COL11A2: variants seen among roughly 807,000 people sequenced by gnomAD.
COL11A2 encodes the protein collagen type XI alpha 2 chain, also known as collagen alpha-2(XI) chain.
Under a neutral mutation model 273.4 loss-of-function variants are expected in COL11A2, and 116 were observed. The ratio of observed to expected loss-of-function variants is 0.42; its 90% CI spans 0.36 to 0.49. The LOEUF is 0.49. Ranked by LOEUF, COL11A2 falls within the 20% of genes least tolerant of loss-of-function variation. COL11A2 has a pLI of 0.00. For synonymous variants in COL11A2, 782 were observed against 864.2 expected (o/e 0.90, Z 1.67); for missense variants, 1,866 against 2,309.0 (o/e 0.81, Z 3.93).
In COL11A2 at chr6:33,163,089, G is replaced by A. The variant is rs903835903; in HGVS notation, c.*589C>T. 6.4e-6 allele frequency: 1 copy of A among 156,972 alleles called. No homozygotes were observed. Among genetic ancestry groups the A allele is most frequent in the Middle Eastern group, 6.8e-4 (1 of 1,468 alleles). 9.7% of individuals were successfully genotyped at this position (156,972 alleles called of 1,614,324 possible). A position where few individuals can be genotyped will look rare whatever the true frequency, so the allele number is the denominator to read the frequency against. ...GGTTAGAGAGCCCCACCCTGGCAGA[G>A]TCAGAGCCCTGAGGCCAGGGAGACC... On this transcript the variant is annotated 3_prime_UTR_variant, in exon 66 of 66. Transcript: ENST00000341947. This position sits in a 1 kb window ranked among gnomAD's most constrained non-coding sequence, Gnocchi z 4.1.
At chr6:33,174,299 C>A in intron 31 of COL11A2, 81 bp from the exon 32 acceptor site, 3 of 1,529,448 alleles carry the variant, frequency 2.0e-6, no homozygotes, top group Non-Finnish European at 2.7e-6. Flanking sequence ...TCAGGAGAGG[C>A]CACAAAGGCA....
rs1051515709 is a variant in COL11A2 at position 33,165,026 on chromosome 6, G to A, written c.4751-62C>T. On this transcript the variant is annotated intron_variant, in intron 63 of 65. Coordinates refer to ENST00000341947, the MANE Select transcript of COL11A2 (RefSeq NM_080680.3). This position sits in a 1 kb window ranked among gnomAD's most constrained non-coding sequence, Gnocchi z 7.7. The stretch of plus-strand genomic sequence containing the variant: ...AGGTCCAGGCTCCAAGATGCTCTTT[G>A]CCCCCACATTCCCTCTTCCCTCCCA... 7.8e-7 allele frequency: 1 copy of A among 1,287,032 alleles called. No individual in the cohort carries two copies. Among genetic ancestry groups the A allele is most frequent in the African/African-American group, 1.5e-5 (1 of 67,834 alleles). 79.7% of individuals were successfully genotyped at this position (1,287,032 alleles called of 1,614,324 possible). A position where few individuals can be genotyped will look rare whatever the true frequency, so the allele number is the denominator to read the frequency against.
At chr6:33,174,138 C>CA in intron 32 of COL11A2, 27 bp downstream of exon 32, 1 of 1,598,114 alleles carries the variant, frequency 6.3e-7, no homozygotes, top group Non-Finnish European at 8.5e-7. Context: ...CCCTTCCCTT[C>CA]TCACGCCCTC....
In COL11A2 at chr6:33,173,827, G is replaced by A; in HGVS notation, c.2583+46C>T. 6.2e-7 allele frequency: 1 copy of A among 1,612,718 alleles called. No individual in the cohort carries two copies. The highest frequency in any genetic ancestry group is 8.5e-7 in the Non-Finnish European group (1 of 1,178,776). On this transcript the variant is annotated intron_variant, in intron 34 of 65. Coordinates refer to ENST00000341947, the MANE Select transcript of COL11A2 (RefSeq NM_080680.3). This position sits in a 1 kb window ranked among gnomAD's most constrained non-coding sequence, Gnocchi z 6.3. ...GGTCAGGATGTTGAGGGAGAGCTGG[G>A]GCTGAGTGGGCAGGGGGCAGTTGGA... is the stretch of plus-strand genomic sequence containing the variant.
At chr6:33,181,544 G>A (rs1167977772) in intron 8 of COL11A2, among the ~76,000 whole-genome samples, 3 of 152,062 alleles carry the variant, frequency 2.0e-5, no homozygotes, top group Non-Finnish European at 2.9e-5. Flanking sequence ...GCGCGATCTC[G>A]GCTCACTACA....
chr6:33,169,837 A>C lies in COL11A2; in HGVS notation c.3684T>G (p.Gly1228=). The change falls in exon 50 of 66, where the codon GGT becomes GGG. Residue 1228 remains glycine (G), a synonymous_variant. Coordinates refer to ENST00000341947, the MANE Select transcript of COL11A2 (RefSeq NM_080680.3). The surrounding 1 kb of genome is among the most constrained non-coding windows in gnomAD (Gnocchi z 5.5). The part of the protein sequence containing the change: ...SGSPGIQGEP[G]VKGPRGERGE... ...CCTTGGAGCTGTCACTCACCTTGACACCTGGCTCGCCCTGGATCCCTGGAG... is the reference window on the plus strand; with the variant it reads ...CCTTGGAGCTGTCACTCACCTTGACCCCTGGCTCGCCCTGGATCCCTGGAG... 1 of 1,613,950 alleles carries C rather than the reference A, an allele frequency of 6.2e-7. No homozygotes were observed. Among genetic ancestry groups the C allele is most frequent in the Non-Finnish European group, 8.5e-7 (1 of 1,179,950 alleles).
chr6:33,179,890 C>A lies in COL11A2; in HGVS notation c.1360-85G>T. ...CCAGAGGCTTTCTCCAGCGTTTCTG[C>A]CCCTTGCCCCAGGTTCTGCCCATCC... is the stretch of plus-strand genomic sequence containing the variant. On this transcript the variant is annotated intron_variant, in intron 12 of 65. Coordinates refer to ENST00000341947, the MANE Select transcript of COL11A2 (RefSeq NM_080680.3). This position sits in a 1 kb window ranked among gnomAD's most constrained non-coding sequence, Gnocchi z 6.4. 1 of 1,291,548 alleles carries A rather than the reference C, an allele frequency of 7.7e-7. No homozygotes were observed. Among genetic ancestry groups the A allele is most frequent in the South Asian group, 1.2e-5 (1 of 84,204 alleles). The allele number at this position is 1,291,548 out of a possible 1,614,324, so 80.0% of individuals were successfully genotyped here.
At position 33,164,625 on chromosome 6, in the gene COL11A2, A is replaced by G. The variant is rs1768827531; in HGVS notation, c.4864-152T>C. ...GGCTGGAAGGCAAGGGCTGGGAAAG[A>G]AGTGAGGGGCTGAGTGGGAGCCAGG... On this transcript the variant is annotated intron_variant, in intron 64 of 65. Coordinates refer to ENST00000341947, the MANE Select transcript of COL11A2 (RefSeq NM_080680.3). This position sits in a 1 kb window ranked among gnomAD's most constrained non-coding sequence, Gnocchi z 4.7. The G allele has an allele frequency of 1.3e-6, 1 of 782,734 alleles. No individual in the cohort carries two copies. The highest frequency in any genetic ancestry group is 1.9e-5 in the South Asian group (1 of 53,158). 48.5% of individuals were successfully genotyped at this position (782,734 alleles called of 1,614,324 possible).
chr6:33,167,176 C>A lies in COL11A2; in HGVS notation c.4177-53G>T. 3 of 1,613,770 alleles carry A rather than the reference C, an allele frequency of 1.9e-6. No homozygotes were observed. Among genetic ancestry groups the A allele is most frequent in the Non-Finnish European group, 1.7e-6 (2 of 1,179,706 alleles). ...TAAGGGAGAGGTGGGACCAAGTTCT[C>A]CCCAACAGCCTCCACTTCCTCCAGG... On this transcript the variant is annotated intron_variant, in intron 57 of 65. Coordinates refer to ENST00000341947, the MANE Select transcript of COL11A2 (RefSeq NM_080680.3). This position sits in a 1 kb window ranked among gnomAD's most constrained non-coding sequence, Gnocchi z 6.1.
rs776580543 is a variant in COL11A2 at position 33,177,372 on chromosome 6, A to T, written c.1971+40T>A. ...TCACCCATTGTGGAAGCCCAAGGGA[A>T]GTCATGAAAATTGGGGAACGGAGTA... is the stretch of plus-strand genomic sequence containing the variant. On this transcript the variant is annotated intron_variant, in intron 23 of 65. Coordinates refer to ENST00000341947, the MANE Select transcript of COL11A2 (RefSeq NM_080680.3). The surrounding 1 kb of genome is among the most constrained non-coding windows in gnomAD (Gnocchi z 5.9). 52 of 1,609,662 alleles carry T rather than the reference A, an allele frequency of 3.2e-5. No individual in the cohort carries two copies. Among genetic ancestry groups the T allele is most frequent in the African/African-American group, 2.7e-5 (2 of 74,842 alleles).
rs1158148746 is a variant in COL11A2 at position 33,166,114 on chromosome 6, ACAT to A, written c.4428+54_4428+56del. On this transcript the variant is annotated intron_variant, in intron 61 of 65. Coordinates refer to ENST00000341947, the MANE Select transcript of COL11A2 (RefSeq NM_080680.3). The surrounding 1 kb of genome is among the most constrained non-coding windows in gnomAD (Gnocchi z 4.8). ...GGGGGAGTCTATTTGTCCTGGAGAG[ACAT>A]CATCAAGTCCAGAGGGGGTGGAGCA... 1.9e-6 allele frequency: 3 copies of A among 1,605,344 alleles called. No individual in the cohort carries two copies. The highest frequency in any genetic ancestry group is 2.6e-6 in the Non-Finnish European group (3 of 1,175,764).
In COL11A2 at chr6:33,166,513, G is replaced by A. The variant is rs372419316; in HGVS notation, c.4392C>T (p.Pro1464=). 37 of 1,613,316 alleles carry A rather than the reference G, an allele frequency of 2.3e-5. No homozygotes were observed. The highest frequency in any genetic ancestry group is 3.3e-4 in the Middle Eastern group (2 of 6,080). Residue 1464 remains proline, a splice_region_variant and synonymous_variant, in exon 60 of 66, where the codon CCC becomes CCT. Transcript: ENST00000341947. The surrounding 1 kb of genome is among the most constrained non-coding windows in gnomAD (Gnocchi z 4.8). ...PIGPGGPPGL[P]GPAGPKGAKG... is the part of the protein sequence containing the mutation. Reference sequence around the variant, plus strand: ...GTGGAGGAACAGAGGCAGTACTCACGGGGAGGCCGGGGGGACCTCCAGGAC... The same window carrying A: ...GTGGAGGAACAGAGGCAGTACTCACAGGGAGGCCGGGGGGACCTCCAGGAC...
chr6:33,177,790 G>C lies in COL11A2; in HGVS notation c.1873-84C>G. On this transcript the variant is annotated intron_variant, in intron 21 of 65. Transcript: ENST00000341947. The surrounding 1 kb of genome is among the most constrained non-coding windows in gnomAD (Gnocchi z 5.9). ...CAGAGGCCCGGCCATTCCCGAGGGT[G>C]TGACGGTCAGACCTCCAATCCATCC... is the stretch of plus-strand genomic sequence containing the variant. 1 of 1,471,454 alleles carries C rather than the reference G, an allele frequency of 6.8e-7. No individual in the cohort carries two copies. The highest frequency in any genetic ancestry group is 9.4e-7 in the Non-Finnish European group (1 of 1,058,494). The allele number at this position is 1,471,454 out of a possible 1,614,324, so 91.1% of individuals were successfully genotyped here. A position where few individuals can be genotyped will look rare whatever the true frequency, so the allele number is the denominator to read the frequency against.
chr6:33,185,018 A>G lies in COL11A2; in HGVS notation c.913T>C (p.Ser305Pro). ...TCCTCAAGGGGTGGCAAGAGGCTCG[A>G]CTCCAGGATTTCTTCCTCTTCACCT... ...TPGEEEEILE[S>P]SLLPPLEEEQ... The change falls in exon 7 of 66, where the codon TCG becomes CCG. Residue 305 changes from serine to proline, a missense_variant. Coordinates refer to ENST00000341947, the MANE Select transcript of COL11A2 (RefSeq NM_080680.3). The G allele has an allele frequency of 6.4e-7, 1 of 1,550,918 alleles. No individual in the cohort carries two copies. Among genetic ancestry groups the G allele is most frequent in the East Asian group, 2.4e-5 (1 of 40,888 alleles).
chr6:33,189,108 T>G lies in COL11A2; in HGVS notation c.313A>C (p.Ser105Arg). The G allele has an allele frequency of 6.2e-7, 1 of 1,614,094 alleles. No individual in the cohort carries two copies. Among genetic ancestry groups the G allele is most frequent in the East Asian group, 2.2e-5 (1 of 44,878 alleles). ...GLQAPLLTLYSAQGVRQLGLE... is the reference protein window; with the variant it reads ...GLQAPLLTLYRAQGVRQLGLE... Reference sequence around the variant, plus strand: ...CCCAGCTGTCGGACACCCTGGGCACTGTAGAGAGTCAGGAGGGGAGCTTGG... The same window carrying G: ...CCCAGCTGTCGGACACCCTGGGCACGGTAGAGAGTCAGGAGGGGAGCTTGG... The change falls in exon 3 of 66, where the codon AGT (serine) becomes CGT (arginine). Residue 105 changes from serine (S) to arginine (R), a missense_variant. Physicochemically the swap from Ser to Arg is moderately radical, Grantham distance 110. Coordinates refer to ENST00000341947, the MANE Select transcript of COL11A2 (RefSeq NM_080680.3). The surrounding 1 kb of genome is among the most constrained non-coding windows in gnomAD (Gnocchi z 5.6).
chr6:33,189,274 C>T lies in COL11A2; in HGVS notation c.232+46G>A, dbSNP rs762568765. ...CCTCCTGGTGTCTGATCCTAGGCCCCATCCCATTACCTCCCCCCAGGCCTA... is the reference window on the plus strand; with the variant it reads ...CCTCCTGGTGTCTGATCCTAGGCCCTATCCCATTACCTCCCCCCAGGCCTA... On this transcript the variant is annotated intron_variant, in intron 2 of 65. Coordinates refer to ENST00000341947, the MANE Select transcript of COL11A2 (RefSeq NM_080680.3). This position sits in a 1 kb window ranked among gnomAD's most constrained non-coding sequence, Gnocchi z 5.6. The T allele has an allele frequency of 8.7e-6, 14 of 1,613,858 alleles. 1 individual carries two copies. In the South Asian group the frequency reaches 8.8e-5, roughly 10 times the overall value.
At chr6:33,188,952 C>G in intron 3 of COL11A2, 26 bp downstream of exon 3, 1 of 1,613,014 alleles carries the variant, frequency 6.2e-7, no homozygotes, top group South Asian at 1.1e-5. Flanking sequence ...GTGGGCCAGG[C>G]AGACCAGAGG....
rs1245091673 is a variant in COL11A2 at position 33,166,178 on chromosome 6, C to T, written c.4421G>A (p.Gly1474Glu). The change falls in exon 61 of 66, where the codon GGA becomes GAA. Residue 1474 changes from glycine (G) to glutamate (E), a missense_variant. By Grantham distance (98) the Gly-to-Glu change is moderately conservative. Transcript: ENST00000341947. This position sits in a 1 kb window ranked among gnomAD's most constrained non-coding sequence, Gnocchi z 4.8. ...PGPAGPKGAK[G>E]ATGPGGPKGE... ...CTGAAGGGGGTCACTCACTGTGGCTCCTTTGGCTCCTTTGGGGCCAGCAGG... is the reference window on the plus strand; with the variant it reads ...CTGAAGGGGGTCACTCACTGTGGCTTCTTTGGCTCCTTTGGGGCCAGCAGG... 1 of 1,605,506 alleles carries T rather than the reference C, an allele frequency of 6.2e-7. No homozygotes were observed. Among genetic ancestry groups the T allele is most frequent in the Non-Finnish European group, 8.5e-7 (1 of 1,176,734 alleles).
rs1242624892 is a variant in COL11A2, at chr6:33,173,914, G to A, written c.2542C>T (p.Gln848Ter). Reference sequence around the variant, plus strand: ...CCAGTGGCACCTCGGGGTCCCCGCTGACCCCGTGGACCCTACAGAGGGAAG... The same window carrying A: ...CCAGTGGCACCTCGGGGTCCCCGCTAACCCCGTGGACCCTACAGAGGGAAG... ...GERGPTGPRG[Q>*]RGPRGATGKS... Residue 848 changes from glutamine to a stop codon, truncating the protein, a stop_gained, in exon 34 of 66, where the codon CAG (glutamine) becomes TAG (stop). Coordinates refer to ENST00000341947, the MANE Select transcript of COL11A2 (RefSeq NM_080680.3). LOFTEE classifies it high-confidence loss of function. The surrounding 1 kb of genome is among the most constrained non-coding windows in gnomAD (Gnocchi z 6.3). The A allele has an allele frequency of 4.3e-6, 7 of 1,614,038 alleles. No homozygotes were observed. Among genetic ancestry groups the A allele is most frequent in the Non-Finnish European group, 5.9e-6 (7 of 1,179,972 alleles).
Sources: gnomAD v4.1 joint callset for allele counts (sites outside exome capture counted in the v4.1 genomes callset) on GRCh38, gnomAD v4.1.1 for gene constraint, Gnocchi (gnomAD v3.1) non-coding constraint, MANE v1.5 for transcripts, NCBI Gene and HGNC (gene_info 2026-07-23, HGNC 2026-07-21) for gene names.